AOAH: variants seen among roughly 807,000 people sequenced by gnomAD.
AOAH encodes the protein acyloxyacyl hydrolase.
In AOAH, 64 loss-of-function variants were observed where a neutral mutation model predicts 92.2. That is an observed-to-expected ratio of 0.69 (90% confidence interval 0.57 to 0.86). The LOEUF (loss-of-function observed/expected upper bound fraction) is 0.86. Ranked by LOEUF, AOAH falls within the 40% of genes least tolerant of loss-of-function variation. The pLI, the probability that AOAH is intolerant of heterozygous loss-of-function variation, is 0.00. For missense variants in AOAH, 656 were observed against 694.6 expected (o/e 0.94, Z 0.62); for synonymous variants, 263 against 254.5 (o/e 1.03, Z -0.32).
chr7:36,513,172 GC>G lies in AOAH; in HGVS notation c.*79del. The G allele has an allele frequency of 6.2e-7, 1 of 1,613,806 alleles. No individual in the cohort carries two copies. Among genetic ancestry groups the G allele is most frequent in the Non-Finnish European group, 8.5e-7 (1 of 1,180,014 alleles). On this transcript the variant is annotated 3_prime_UTR_variant, in exon 21 of 21. Coordinates refer to ENST00000617537, the MANE Select transcript of AOAH (RefSeq NM_001637.4). ...AGTCCTTTGGGCCTGTGACGTGGCAGCCCCCATAGGGTTTGTGGAATGAGTT... is the reference window on the plus strand; with the variant it reads ...AGTCCTTTGGGCCTGTGACGTGGCAGCCCCATAGGGTTTGTGGAATGAGTT...
In AOAH at chr7:36,625,510, G is replaced by A. The variant is rs375261272; in HGVS notation, c.522-2260C>T. Among the ~76,000 whole-genome samples, 48 of 152,288 alleles carry A rather than the reference G, an allele frequency of 3.2e-4. 1 individual carries two copies. The East Asian group carries it at 6.2e-3, about 20-fold the overall frequency. On this transcript the variant is annotated intron_variant, in intron 6 of 20. Coordinates refer to ENST00000617537, the MANE Select transcript of AOAH (RefSeq NM_001637.4). ...AAAGTGCTTGCAGCTGTGATTATGA[G>A]TGCCTGCTGTCCGAAAGAGGAAATT...
chr7:36,649,030 T>C (rs557397150), intron 4 of AOAH, among the ~76,000 whole-genome samples: 1 of 152,228 alleles, frequency 6.6e-6, no homozygotes, highest in Non-Finnish European at 1.5e-5. Flanking sequence ...GGGAGGATTT[T>C]AGATGCTGTG....
At chr7:36,649,485 C>T (rs1794438119) in intron 4 of AOAH, among the ~76,000 whole-genome samples, 1 of 152,166 alleles carries the variant, frequency 6.6e-6, no homozygotes. Context: ...TGCAACTTAG[C>T]TCACACCCGA....
intron 11 of AOAH, among the ~76,000 whole-genome samples, chr7:36,598,870 G>A (rs1030737117): frequency 3.1e-4 from 47 of 152,192 alleles, no homozygotes; most frequent in African/African-American, 1.1e-3. Context: ...TGAGGCAGGA[G>A]GAATGCAAAT....
chr7:36,587,253 TAG>T (rs1211500609), intron 12 of AOAH, among the ~76,000 whole-genome samples: 1 of 112,628 alleles, frequency 8.9e-6, no homozygotes, highest in African/African-American at 3.6e-5. Flanking sequence ...GCCTGGGCAA[TAG>T]AGAGAGACTC....
Position 36,584,284 on chromosome 7 carries a change from C to T in AOAH, c.939-7628G>A, listed in dbSNP as rs558414891. 5.3e-5 allele frequency among the ~76,000 whole-genome samples: 8 copies of T among 152,182 alleles called. No homozygotes were observed. The South Asian group carries it at 6.2e-4, about 12-fold the overall frequency. ...TTAACATTTTGTGGAACTCATATTT[C>T]GCAGAAGAGTTTATGAAGAATATTG... On this transcript the variant is annotated intron_variant, in intron 12 of 20. Coordinates refer to ENST00000617537, the MANE Select transcript of AOAH (RefSeq NM_001637.4).
At chr7:36,546,121 A>T (rs1182545347) in intron 15 of AOAH, among the ~76,000 whole-genome samples, 2 of 152,204 alleles carry the variant, frequency 1.3e-5, no homozygotes, top group Non-Finnish European at 2.9e-5. Context: ...CTATCTTCCA[A>T]TCGTGACCCT....
chr7:36,569,167 G>T (rs558212936), intron 13 of AOAH, among the ~76,000 whole-genome samples: 2 of 152,184 alleles, frequency 1.3e-5, no homozygotes, highest in African/African-American at 4.8e-5. Flanking sequence ...AAAACATGCC[G>T]TTAGGCACTT....
intron 1 of AOAH, among the ~76,000 whole-genome samples, chr7:36,710,784 C>A (rs1251902419): frequency 1.3e-5 from 2 of 152,074 alleles, no homozygotes; most frequent in Non-Finnish European, 2.9e-5. Flanking sequence ...GACTTTTTGC[C>A]TTACAATAGG....
chr7:36,559,488 CTGA>C (rs1481928103), intron 13 of AOAH, among the ~76,000 whole-genome samples: 1 of 152,138 alleles, frequency 6.6e-6, no homozygotes, highest in African/African-American at 2.4e-5. Flanking sequence ...TTGCATTTCT[CTGA>C]TGATTAGTGA....
In AOAH at chr7:36,562,909, G is replaced by T. The variant is rs186702187; in HGVS notation, c.1022-13434C>A. The stretch of plus-strand genomic sequence containing the variant: ...CACACCTGTAATCCCAGCACTTTGG[G>T]AGGCCAAGGCAGGCAGATCATGAAG... On this transcript the variant is annotated intron_variant, in intron 13 of 20. Transcript: ENST00000617537. Among the ~76,000 whole-genome samples, 412 of 152,092 alleles carry T rather than the reference G, an allele frequency of 2.7e-3. 1 individual carries two copies. The highest frequency in any genetic ancestry group is 8.2e-3 in the African/African-American group (342 of 41,476).
intron 2 of AOAH, among the ~76,000 whole-genome samples, chr7:36,677,107 A>C (rs373316147): frequency 1.3e-5 from 2 of 152,182 alleles, no homozygotes; most frequent in East Asian, 3.8e-4. Flanking sequence ...AATAACAATA[A>C]GTTTTGCACT....
chr7:36,686,868 A>T, intron 1 of AOAH, 74 bp from the exon 2 acceptor site: 2 of 885,518 alleles, frequency 2.3e-6, no homozygotes, highest in Non-Finnish European at 3.2e-6. Context: ...GAAAGAAAGG[A>T]TGCGTGTGTG....
chr7:36,567,206 G>C (rs960489629), intron 13 of AOAH, among the ~76,000 whole-genome samples: 1 of 152,166 alleles, frequency 6.6e-6, no homozygotes, highest in Non-Finnish European at 1.5e-5. Flanking sequence ...TCTTTCTTCT[G>C]AGGAGGCAAG....
intron 11 of AOAH, among the ~76,000 whole-genome samples, chr7:36,607,279 A>T (rs1368860799): frequency 6.6e-6 from 1 of 152,208 alleles, no homozygotes; most frequent in Non-Finnish European, 1.5e-5. Flanking sequence ...TTATGAAACA[A>T]TGCCCACTTG....
At chr7:36,522,510 C>T (rs1784157698) in intron 19 of AOAH, among the ~76,000 whole-genome samples, 1 of 152,206 alleles carries the variant, frequency 6.6e-6, no homozygotes, top group Admixed American at 6.5e-5. Flanking sequence ...CATTTGCAGA[C>T]TCTGCCTGCA....
At chr7:36,650,112 AGCGGCCCACCACC>A (rs1225642900) in intron 4 of AOAH, among the ~76,000 whole-genome samples, 1,252 of 8,302 alleles carry the variant, frequency 0.15, 14 homozygotes, top group African/African-American at 0.45. Flanking sequence ...CCATCTTGGA[AGCGGCCCACCACC>A]GTCTTGGAAG....
chr7:36,517,268 CTTTCTT>C (rs1783836320), intron 20 of AOAH, among the ~76,000 whole-genome samples: 6 of 5,900 alleles, frequency 1.0e-3, no homozygotes, highest in East Asian at 0.33. Context: ...CTCTCTCTTT[CTTTCTT>C]TCTTTCTTTC....
intron 11 of AOAH, among the ~76,000 whole-genome samples, chr7:36,606,567 AC>A (rs757446608): frequency 4.6e-5 from 7 of 151,592 alleles, no homozygotes; most frequent in East Asian, 3.9e-4. Flanking sequence ...CTCTCTCCTC[AC>A]CCCCTCCCCC....
Sources: allele counts gnomAD v4.1 joint callset (sites outside exome capture counted in the v4.1 genomes callset), GRCh38; gene constraint gnomAD v4.1.1; transcripts MANE v1.5; gene names NCBI Gene and HGNC (gene_info 2026-07-23, HGNC 2026-07-21).